The following SBF2 variants were observed in gnomAD, a reference collection of about 807,000 sequenced individuals.
The protein encoded by SBF2 is SET binding factor 2.
A neutral mutation model predicts 225.2 loss-of-function variants in SBF2; 112 were observed. That is an observed-to-expected ratio of 0.50 (90% CI 0.43 to 0.58). The LOEUF (loss-of-function observed/expected upper bound fraction) is 0.58. Among genes scored for constraint, SBF2 ranks in the 20% least tolerant of loss-of-function variants. The pLI is 0.00. For synonymous variants in SBF2, 763 were observed against 773.3 expected (o/e 0.99, Z 0.22); for missense variants, 1,996 against 2,206.2 (o/e 0.90, Z 1.91).
chr11:9,976,594 CGA>C (rs1946693672), intron 13 of SBF2, among the ~76,000 whole-genome samples: 1 of 151,598 alleles, frequency 6.6e-6, no homozygotes, highest in Non-Finnish European at 1.5e-5. Flanking sequence ...GGCAACAAAG[CGA>C]GACACCACCT....
At chr11:10,140,690 G>C (rs1043123373) in intron 2 of SBF2, among the ~76,000 whole-genome samples, 1 of 152,196 alleles carries the variant, frequency 6.6e-6, no homozygotes, top group Non-Finnish European at 1.5e-5. Flanking sequence ...TAGCTAGTCA[G>C]TCAGAAGCAC....
At position 9,938,066 on chromosome 11, in the gene SBF2, C is replaced by T. The variant is rs528603546; in HGVS notation, c.1860+23891G>A. Among the ~76,000 whole-genome samples the T allele has an allele frequency of 1.4e-3, 212 of 151,990 alleles. 1 individual carries two copies. Among genetic ancestry groups the T allele is most frequent in the African/African-American group, 4.8e-3 (197 of 41,462 alleles). ...CCAGCACTTTGGGGGCCAAGGCGGG[C>T]GGATCACGCGGTCAGGAGATCGAGA... On this transcript the variant is annotated intron_variant, in intron 16 of 39. Transcript: ENST00000256190.
intron 1 of SBF2, among the ~76,000 whole-genome samples, chr11:10,222,569 C>T (rs1027282649): frequency 1.2e-4 from 19 of 152,012 alleles, no homozygotes; most frequent in Admixed American, 1.1e-3. Context: ...AATAAATTAC[C>T]GAATTTGAAG....
chr11:9,998,517 T>C (rs892466385), intron 8 of SBF2, 138 bp from the exon 9 acceptor site: 11 of 611,654 alleles, frequency 1.8e-5, no homozygotes, highest in Non-Finnish European at 2.9e-5. Flanking sequence ...AGTAGAATTC[T>C]GGGCTAACAA....
chr11:10,174,084 A>G (rs1956344999), intron 2 of SBF2, among the ~76,000 whole-genome samples: 1 of 151,930 alleles, frequency 6.6e-6, no homozygotes, highest in African/African-American at 2.4e-5. Flanking sequence ...AAAAACTGGA[A>G]ACTCTAAAAA....
chr11:10,259,185 C>T (rs1683119431), intron 1 of SBF2, among the ~76,000 whole-genome samples: 1 of 152,080 alleles, frequency 6.6e-6, no homozygotes, highest in Non-Finnish European at 1.5e-5. Context: ...TGAAGTAGTA[C>T]AAGTCAGGTG....
chr11:10,175,727 C>A (rs1320112002), intron 2 of SBF2, among the ~76,000 whole-genome samples: 2 of 151,932 alleles, frequency 1.3e-5, no homozygotes, highest in East Asian at 1.9e-4. Context: ...CAGCACCACA[C>A]CACACCTATT....
chr11:9,950,486 T>C (rs1213595493), intron 16 of SBF2, among the ~76,000 whole-genome samples: 2 of 152,184 alleles, frequency 1.3e-5, no homozygotes, highest in African/African-American at 4.8e-5. Context: ...TAGGTATATA[T>C]CAAATTTACT....
At chr11:10,234,329 T>C (rs1029915391) in intron 1 of SBF2, among the ~76,000 whole-genome samples, 2 of 152,208 alleles carry the variant, frequency 1.3e-5, no homozygotes, top group African/African-American at 4.8e-5. Flanking sequence ...CAATATCCTA[T>C]CTTGATTTTC....
intron 2 of SBF2, among the ~76,000 whole-genome samples, chr11:10,054,315 G>A (rs1950171990): frequency 6.6e-6 from 1 of 152,130 alleles, no homozygotes; most frequent in Non-Finnish European, 1.5e-5. Flanking sequence ...AGTTTACTTA[G>A]GTAGGCAGAT....
chr11:10,130,795 G>C (rs183003011), intron 2 of SBF2, among the ~76,000 whole-genome samples: 1 of 152,088 alleles, frequency 6.6e-6, no homozygotes, highest in African/African-American at 2.4e-5. Flanking sequence ...TACAGTATGT[G>C]TCTTTTTGAG....
intron 1 of SBF2, among the ~76,000 whole-genome samples, chr11:10,230,639 C>G (rs1958801480): frequency 6.6e-6 from 1 of 152,176 alleles, no homozygotes; most frequent in African/African-American, 2.4e-5. Flanking sequence ...AATGTTGGCC[C>G]TCAGTTTCTT....
chr11:9,818,214 G>C (rs1320218072), intron 28 of SBF2, among the ~76,000 whole-genome samples: 1 of 152,104 alleles, frequency 6.6e-6, no homozygotes, highest in Non-Finnish European at 1.5e-5. Flanking sequence ...CAAAGTGCTG[G>C]GATTACAGGC....
At chr11:10,283,439 G>C (rs1157586267) in intron 1 of SBF2, among the ~76,000 whole-genome samples, 1 of 151,910 alleles carries the variant, frequency 6.6e-6, no homozygotes, top group African/African-American at 2.4e-5. Flanking sequence ...TTACATTCTA[G>C]CTTGTCTCTC....
rs143981932 is a variant in SBF2, at chr11:9,849,449, C to T, written c.2806+574G>A. 6.9e-3 allele frequency among the ~76,000 whole-genome samples: 1,058 copies of T among 152,250 alleles called. 13 individuals are homozygous for T. The highest frequency in any genetic ancestry group is 0.02 in the Middle Eastern group (6 of 294). ...ATAATGTAGATTACTTCTGGTAGGG[C>T]ATGCTATTCCTTTCCAATATAGAAG... On this transcript the variant is annotated intron_variant, in intron 22 of 39. Transcript: ENST00000256190.
At chr11:10,146,663 G>A (rs1448332060) in intron 2 of SBF2, among the ~76,000 whole-genome samples, 1 of 152,066 alleles carries the variant, frequency 6.6e-6, no homozygotes, top group Non-Finnish European at 1.5e-5. Context: ...ATAGGAACTG[G>A]CAAAGAGTTC....
intron 2 of SBF2, among the ~76,000 whole-genome samples, chr11:10,161,107 C>A (rs545718581): frequency 8.0e-5 from 12 of 149,284 alleles, no homozygotes; most frequent in Non-Finnish European, 1.5e-4. Flanking sequence ...ATTGCTTGAG[C>A]CTGGGAGACA....
chr11:10,077,902 A>C (rs1951184566), intron 2 of SBF2, among the ~76,000 whole-genome samples: 1 of 152,244 alleles, frequency 6.6e-6, no homozygotes, highest in Non-Finnish European at 1.5e-5. Flanking sequence ...ACAAAGGGCT[A>C]ATATCCAGAA....
chr11:10,102,247 C>T (rs776572822), intron 2 of SBF2, among the ~76,000 whole-genome samples: 1 of 152,208 alleles, frequency 6.6e-6, no homozygotes, highest in Non-Finnish European at 1.5e-5. Context: ...GGCCTGGGAA[C>T]ATGTGGAGTT....
Sources: gnomAD v4.1 joint callset for allele counts (sites outside exome capture counted in the v4.1 genomes callset) on GRCh38, gnomAD v4.1.1 for gene constraint, MANE v1.5 for transcripts, NCBI Gene and HGNC (gene_info 2026-07-23, HGNC 2026-07-21) for gene names.